The following DUS2 variants were observed in gnomAD, a reference collection of about 807,000 sequenced individuals.
DUS2 encodes the protein dihydrouridine synthase 2, also known as tRNA-dihydrouridine(20) synthase [NAD(P)+]-like.
A neutral mutation model predicts 71.3 loss-of-function variants in DUS2; 52 were observed. The observed-to-expected ratio is 0.73, with a 90% CI of 0.58 to 0.92. The LOEUF (loss-of-function observed/expected upper bound fraction) is 0.92, where lower values mean the gene tolerates loss of function less well. Ranked by LOEUF, DUS2 falls within the 40% of genes least tolerant of loss-of-function variation. The pLI is 0.00. For missense variants in DUS2, 558 were observed against 622.6 expected, an observed-to-expected ratio of 0.90 and a Z score of 1.10; for synonymous variants, 204 against 227.8, an observed-to-expected ratio of 0.90 and a Z score of 0.94.
chr16:68,055,828 A>G lies in DUS2; in HGVS notation c.309-536A>G, dbSNP rs868537149. On this transcript the variant is annotated intron_variant, in intron 6 of 16. Transcript: ENST00000565263. ...TGCAAAAGTAATTGCGGTTTTTGCC[A>G]TTACTTTCAATGGCAAAAACCGCAA... 4.9e-4 allele frequency among the ~76,000 whole-genome samples: 70 copies of G among 141,830 alleles called. 1 individual carries two copies. Among genetic ancestry groups the G allele is most frequent in the African/African-American group, 1.7e-3 (66 of 39,604 alleles). The allele number at this position is 141,830 out of a possible 152,430, so 93.0% of individuals were successfully genotyped here.
intron 8 of DUS2, among the ~76,000 whole-genome samples, chr16:68,064,655 A>G (rs1212327262): frequency 6.6e-6 from 1 of 152,166 alleles, no homozygotes; most frequent in East Asian, 1.9e-4. Context: ...CTTAAAATGT[A>G]AGTGCCTCTT....
At position 68,078,740 on chromosome 16, in the gene DUS2, T is replaced by G; in HGVS notation, c.1245-9T>G. On this transcript the variant is annotated splice_polypyrimidine_tract_variant and intron_variant, in intron 16 of 16. Transcript: ENST00000565263. ...CTGCCCCTCACCTTATTGCCCTCTG[T>G]CTGCTCAGGGACAAGTCCAAGAAAC... is the stretch of plus-strand genomic sequence containing the variant. The G allele has an allele frequency of 6.3e-7, 1 of 1,599,498 alleles. No homozygotes were observed. Among genetic ancestry groups the G allele is most frequent in the South Asian group, 1.1e-5 (1 of 90,426 alleles).
chr16:68,047,224 T>G (rs981321786), intron 3 of DUS2, among the ~76,000 whole-genome samples: 1 of 149,948 alleles, frequency 6.7e-6, no homozygotes, highest in Non-Finnish European at 1.5e-5. Context: ...CCTGACTAAT[T>G]TTTGTATTTT....
chr16:68,040,094 T>C (rs1262019044), intron 3 of DUS2, among the ~76,000 whole-genome samples: 2 of 151,838 alleles, frequency 1.3e-5, no homozygotes, highest in Admixed American at 1.3e-4. Flanking sequence ...TTTTCTTTTT[T>C]TTTTTTTAAG....
chr16:68,027,133 G>GTGATA (rs1317939962), intron 2 of DUS2: 1 of 152,126 alleles, frequency 6.6e-6, no homozygotes, highest in Admixed American at 6.6e-5. Context: ...CCAAACTTGA[G>GTGATA]TGATAACAAA....
Position 68,071,094 on chromosome 16 carries a change from A to G in DUS2, c.796A>G (p.Lys266Glu), listed in dbSNP as rs370503562. The G allele has an allele frequency of 6.2e-7, 1 of 1,614,118 alleles. No individual in the cohort carries two copies. The highest frequency in any genetic ancestry group is 8.5e-7 in the Non-Finnish European group (1 of 1,180,060). The change falls in exon 12 of 17, where the codon AAA becomes GAA. Residue 266 changes from lysine (K) to glutamate (E), a missense_variant. Transcript: ENST00000565263. ...GLRPLEEVMQKYIRYAVQYDN... is the reference protein window; with the variant it reads ...GLRPLEEVMQEYIRYAVQYDN... ...GCGGCCCCTGGAGGAGGTCATGCAGAAATACATCAGATACGTACGTCTCTG... is the reference window on the plus strand; with the variant it reads ...GCGGCCCCTGGAGGAGGTCATGCAGGAATACATCAGATACGTACGTCTCTG...
chr16:68,028,296 G>T (rs2033385515), intron 2 of DUS2, among the ~76,000 whole-genome samples: 1 of 152,044 alleles, frequency 6.6e-6, no homozygotes, highest in African/African-American at 2.4e-5. Context: ...ACGCTGCCTT[G>T]ATCTTAAAAG....
intron 15 of DUS2, 101 bp from the exon 16 acceptor site, chr16:68,078,344 G>C (rs937004960): frequency 5.2e-6 from 6 of 1,159,192 alleles, no homozygotes; most frequent in Admixed American, 3.5e-5. Context: ...TTTGACTTAG[G>C]TTGGAAACAC....
At chr16:68,075,268 T>A in intron 13 of DUS2, 87 bp from the exon 14 acceptor site, 1 of 1,354,070 alleles carries the variant, frequency 7.4e-7, no homozygotes, top group Non-Finnish European at 9.8e-7. Flanking sequence ...TAGAGGAGTT[T>A]CTCAGTGGTG....
At chr16:68,037,674 C>T (rs2033552546) in intron 2 of DUS2, among the ~76,000 whole-genome samples, 1 of 152,030 alleles carries the variant, frequency 6.6e-6, no homozygotes, top group Admixed American at 6.6e-5. Flanking sequence ...CTGCCTCGGC[C>T]TCCCAAAGTG....
At chr16:68,058,163 C>A (rs2033888053) in intron 7 of DUS2, among the ~76,000 whole-genome samples, 1 of 151,174 alleles carries the variant, frequency 6.6e-6, no homozygotes, top group African/African-American at 2.4e-5. Context: ...AAGAAGCAGA[C>A]TGCAGGATCG....
intron 10 of DUS2, among the ~76,000 whole-genome samples, chr16:68,067,037 C>T (rs1164213853): frequency 2.8e-5 from 3 of 108,406 alleles, no homozygotes; most frequent in Admixed American, 9.0e-5. Context: ...CTCCCTCCCT[C>T]CCTTCCTTCC....
intron 8 of DUS2, among the ~76,000 whole-genome samples, chr16:68,062,964 C>T (rs2033960485): frequency 6.6e-6 from 1 of 152,152 alleles, no homozygotes. Context: ...TTGGTTTCCA[C>T]ACCTAGGAGA....
rs999061673 is a variant in DUS2 at position 68,073,535 on chromosome 16, C to T, written c.811-499C>T. On this transcript the variant is annotated intron_variant, in intron 12 of 16. Coordinates refer to ENST00000565263, the MANE Select transcript of DUS2 (RefSeq NM_017803.5). Reference sequence around the variant, plus strand: ...CACGATCTTGGCTCACCGCAACCTTCGCCTCCAGGGTTCAAGCGATTCTCT... The same window carrying T: ...CACGATCTTGGCTCACCGCAACCTTTGCCTCCAGGGTTCAAGCGATTCTCT... Among the ~76,000 whole-genome samples the T allele has an allele frequency of 4.6e-5, 7 of 150,668 alleles. No homozygotes were observed. In the South Asian group the frequency reaches 6.3e-4, roughly 14 times the overall value.
rs959849585 is a variant in DUS2, at chr16:68,051,945, C to G, written c.173-1619C>G. Among the ~76,000 whole-genome samples the G allele has an allele frequency of 7.2e-4, 110 of 152,096 alleles. 2 individuals carry two copies. Among genetic ancestry groups the G allele is most frequent in the Admixed American group, 7.1e-3 (109 of 15,250 alleles). On this transcript the variant is annotated intron_variant, in intron 4 of 16. Transcript: ENST00000565263. ...ATGGAATCTTACTCTGTAGCCCAAG[C>G]TAGAGTGCAGTGGCGTGATCTTGGC...
intron 8 of DUS2, among the ~76,000 whole-genome samples, chr16:68,063,851 T>A (rs1485449115): frequency 1.3e-5 from 2 of 152,164 alleles, no homozygotes; most frequent in Non-Finnish European, 2.9e-5. Flanking sequence ...AGCCTCTGAA[T>A]AGCTGAGATT....
chr16:68,069,556 A>G (rs1003443334), intron 10 of DUS2, among the ~76,000 whole-genome samples: 1 of 152,196 alleles, frequency 6.6e-6, no homozygotes, highest in African/African-American at 2.4e-5. Context: ...TGACTTTGGA[A>G]GGAGGGGCCC....
chr16:68,064,931 C>T (rs1271391805), intron 8 of DUS2, among the ~76,000 whole-genome samples: 1 of 152,220 alleles, frequency 6.6e-6, no homozygotes, highest in Non-Finnish European at 1.5e-5. Context: ...GCAGCAGCCA[C>T]CTAGATATCC....
Position 68,078,164 on chromosome 16 carries a change from T to G in DUS2, c.1171-281T>G, listed in dbSNP as rs2034185424. 3 of 446,856 alleles carry G rather than the reference T, an allele frequency of 6.7e-6. No individual in the cohort carries two copies. The East Asian group carries it at 1.2e-4, about 19-fold the overall frequency. The allele number at this position is 446,856 out of a possible 1,614,324, so 27.7% of individuals were successfully genotyped here. ...CTGGTGACTCCTCATTTTGGGGACC[T>G]GGCCTATCCAGATGTCAGCAGGAGG... On this transcript the variant is annotated intron_variant, in intron 15 of 16. Coordinates refer to ENST00000565263, the MANE Select transcript of DUS2 (RefSeq NM_017803.5).
Sources: gnomAD v4.1 joint callset for allele counts (sites outside exome capture counted in the v4.1 genomes callset) on GRCh38, gnomAD v4.1.1 for gene constraint, MANE v1.5 for transcripts, NCBI Gene and HGNC (gene_info 2026-07-23, HGNC 2026-07-21) for gene names.